CFAP97D2: variants seen among roughly 807,000 people sequenced by gnomAD.
The protein encoded by CFAP97D2 is CFAP97 domain containing 2.
intron 1 of CFAP97D2, among the ~76,000 whole-genome samples, chr13:114,184,979 AGCAGCCAC>A (rs2080849597): frequency 6.6e-6 from 1 of 152,248 alleles, no homozygotes; most frequent in South Asian, 2.1e-4. Flanking sequence ...GAAACGAATA[AGCAGCCAC>A]TGTCATCATG....
At chr13:114,182,501 C>T (rs1338851183) in intron 1 of CFAP97D2, among the ~76,000 whole-genome samples, 2 of 151,760 alleles carry the variant, frequency 1.3e-5, no homozygotes, top group Non-Finnish European at 2.9e-5. Flanking sequence ...CGGTGTCGGG[C>T]TGGGGTACAG....
chr13:114,183,516 G>A (rs1004708899), intron 1 of CFAP97D2, among the ~76,000 whole-genome samples: 1 of 152,084 alleles, frequency 6.6e-6, no homozygotes, highest in Non-Finnish European at 1.5e-5. Context: ...CAGTTCAACA[G>A]GCTGAGAAAT....
chr13:114,214,046 C>A (rs2080983062), intron 4 of CFAP97D2: 1 of 152,742 alleles, frequency 6.5e-6, no homozygotes, highest in African/African-American at 2.4e-5. Context: ...CTAACCCTAA[C>A]CCTGAACGAG....
chr13:114,206,557 G>C (rs1473639496), intron 3 of CFAP97D2, among the ~76,000 whole-genome samples: 2 of 152,224 alleles, frequency 1.3e-5, no homozygotes, highest in African/African-American at 4.8e-5. Flanking sequence ...AACATGCTAA[G>C]TGAAAGAAGG....
chr13:114,196,440 G>A lies in CFAP97D2; in HGVS notation c.135G>A (p.Thr45=), dbSNP rs115004188. The change falls in exon 2 of 5, where the codon ACG becomes ACA. Residue 45 remains threonine, a synonymous_variant. Transcript: ENST00000646158. ...TGGTAGACACCCGCGCCCCGCTGAC[G>A]TTCCGCCATCTCCACCTGAAACTCA... 1.6e-3 allele frequency: 626 copies of A among 399,606 alleles called. 6 individuals carry two copies. Among genetic ancestry groups the A allele is most frequent in the African/African-American group, 0.012 (561 of 48,734 alleles). 24.8% of individuals were successfully genotyped at this position (399,606 alleles called of 1,614,324 possible).
At chr13:114,212,696 C>T (rs1376255542) in intron 4 of CFAP97D2, among the ~76,000 whole-genome samples, 1 of 151,894 alleles carries the variant, frequency 6.6e-6, no homozygotes, top group African/African-American at 2.4e-5. Context: ...AAAAAAAATA[C>T]AAAAAATTAG....
chr13:114,219,429 C>A (rs193127181), intron 4 of CFAP97D2, among the ~76,000 whole-genome samples: 101 of 152,302 alleles, frequency 6.6e-4, no homozygotes, highest in African/African-American at 2.3e-3. Flanking sequence ...GTGCTTGCAA[C>A]CAATGTTTCA....
intron 1 of CFAP97D2, among the ~76,000 whole-genome samples, chr13:114,180,679 C>T (rs186336946): frequency 1.3e-5 from 2 of 152,274 alleles, no homozygotes; most frequent in East Asian, 1.9e-4. Context: ...CTTGGTCAAC[C>T]GTTGTCAGTA....
rs1371873555 is a variant in CFAP97D2, at chr13:114,203,485, AC to A, written c.290+3043del. Reference sequence around the variant, plus strand: ...GCTATATTAAGATGGCAATATACAAACTATTGCAGAATTTTGCTCCTTAGTT... The same window carrying A: ...GCTATATTAAGATGGCAATATACAAATATTGCAGAATTTTGCTCCTTAGTT... On this transcript the variant is annotated intron_variant, in intron 3 of 4. Coordinates refer to ENST00000646158, the Ensembl canonical transcript of CFAP97D2. This position sits in a 1 kb window ranked among gnomAD's most constrained non-coding sequence, Gnocchi z 4.3. Among the ~76,000 whole-genome samples, 3 of 152,228 alleles carry A rather than the reference AC, an allele frequency of 2.0e-5. No homozygotes were observed. The highest frequency in any genetic ancestry group is 2.9e-5 in the Non-Finnish European group (2 of 68,046).
In CFAP97D2 at chr13:114,221,179, G is replaced by A. The variant is rs180696176; in HGVS notation, c.481-1319G>A. ...GGAGGATCGCTTGAACCAGGGAGGC[G>A]GAGGTTGCAGTGAGCCGACATCGCG... On this transcript the variant is annotated intron_variant, in intron 4 of 4. Transcript: ENST00000646158. 3.2e-3 allele frequency among the ~76,000 whole-genome samples: 487 copies of A among 152,330 alleles called. 1 individual carries two copies. Among genetic ancestry groups the A allele is most frequent in the Admixed American group, 6.1e-3 (94 of 15,300 alleles).
chr13:114,180,686 AG>A (rs1263399238), intron 1 of CFAP97D2, among the ~76,000 whole-genome samples: 1 of 152,256 alleles, frequency 6.6e-6, no homozygotes, highest in Admixed American at 6.5e-5. Flanking sequence ...AACCGTTGTC[AG>A]TAGGGAAAGA....
intron 4 of CFAP97D2, among the ~76,000 whole-genome samples, chr13:114,217,737 A>G (rs1324332469): frequency 6.6e-6 from 1 of 152,336 alleles, no homozygotes; most frequent in African/African-American, 2.4e-5. Flanking sequence ...AAATCAATAA[A>G]TGTAATCCAG....
At position 114,185,891 on chromosome 13, in the gene CFAP97D2, GA is replaced by G. The variant is rs1161938741; in HGVS notation, c.90+6472del. ...CATGAACAGCAACAGGAGGCAGACG[GA>G]CTCCTGGGCAGAAGGGGTCAGGTTC... On this transcript the variant is annotated intron_variant, in intron 1 of 4. Coordinates refer to ENST00000646158, the Ensembl canonical transcript of CFAP97D2. This position sits in a 1 kb window ranked among gnomAD's most constrained non-coding sequence, Gnocchi z 5.2. Among the ~76,000 whole-genome samples the G allele has an allele frequency of 6.6e-5, 10 of 152,362 alleles. No homozygotes were observed. The highest frequency in any genetic ancestry group is 1.3e-4 in the Non-Finnish European group (9 of 68,026).
chr13:114,183,397 A>C (rs1383676935), intron 1 of CFAP97D2, among the ~76,000 whole-genome samples: 1 of 152,002 alleles, frequency 6.6e-6, no homozygotes, highest in East Asian at 1.9e-4. Context: ...TGAACTTCTG[A>C]CCTCAGGTGA....
chr13:114,212,190 C>T (rs1018237062), intron 4 of CFAP97D2: 3 of 397,706 alleles, frequency 7.5e-6, no homozygotes, highest in South Asian at 1.4e-4. Flanking sequence ...TATGTACTCA[C>T]TCATTCTTTG....
chr13:114,220,078 T>G (rs1344245674), intron 4 of CFAP97D2, among the ~76,000 whole-genome samples: 1 of 151,888 alleles, frequency 6.6e-6, no homozygotes, highest in East Asian at 1.9e-4. Context: ...CAAAGTTAAT[T>G]TATTTGAAAA....
intron 2 of CFAP97D2, among the ~76,000 whole-genome samples, chr13:114,196,880 G>T (rs1403763234): frequency 3.3e-5 from 5 of 152,304 alleles, no homozygotes; most frequent in African/African-American, 9.6e-5. Flanking sequence ...CATTGGTTTC[G>T]TCCAGAAAGG....
At chr13:114,193,272 T>C (rs2080875613) in intron 1 of CFAP97D2, among the ~76,000 whole-genome samples, 1 of 152,168 alleles carries the variant, frequency 6.6e-6, no homozygotes, top group African/African-American at 2.4e-5. Flanking sequence ...TAGGGCAGAA[T>C]AGAATATTCA....
rs1465516736 is a variant in CFAP97D2 at position 114,189,327 on chromosome 13, G to A, written c.91-7069G>A. Among the ~76,000 whole-genome samples, 1 of 152,126 alleles carries A rather than the reference G, an allele frequency of 6.6e-6. No individual in the cohort carries two copies. The highest frequency in any genetic ancestry group is 2.1e-4 in the South Asian group (1 of 4,822). On this transcript the variant is annotated intron_variant, in intron 1 of 4. Transcript: ENST00000646158. This position sits in a 1 kb window ranked among gnomAD's most constrained non-coding sequence, Gnocchi z 4.5. ...TCTGAATAGACCCATATCTATTCAA[G>A]AAATTGAATCAATAATTAAACTTCC...
Sources: gnomAD v4.1 joint callset for allele counts (sites outside exome capture counted in the v4.1 genomes callset) on GRCh38, gnomAD v4.1.1 for gene constraint, Gnocchi (gnomAD v3.1) non-coding constraint, MANE v1.5 for transcripts, NCBI Gene and HGNC (gene_info 2026-07-23, HGNC 2026-07-21) for gene names.